GLIS3: variants seen among roughly 807,000 people sequenced by gnomAD.
The protein encoded by GLIS3 is GLIS family zinc finger 3, also known as zinc finger protein GLIS3.
GLIS3 carries 53 observed loss-of-function variants against 78.6 expected under a neutral mutation model. The observed-to-expected ratio is 0.67, with a 90% CI of 0.54 to 0.85. GLIS3 has a LOEUF of 0.85. Among genes scored for constraint, GLIS3 ranks in the 40% least tolerant of loss-of-function variants. The pLI is 0.00. For missense variants in GLIS3, 1,703 were observed against 1,231.1 expected (o/e 1.38, Z -5.74); for synonymous variants, 684 against 509.9 (o/e 1.34, Z -4.60).
Position 3,827,121 on chromosome 9 carries a change from T to C in GLIS3, c.*1151A>G, listed in dbSNP as rs1817765899. The C allele has an allele frequency of 6.6e-6, 1 of 152,186 alleles. No homozygotes were observed. The highest frequency in any genetic ancestry group is 6.5e-5 in the Admixed American group (1 of 15,276). The allele number at this position is 152,186 out of a possible 1,614,324, so 9.4% of individuals were successfully genotyped here. On this transcript the variant is annotated 3_prime_UTR_variant, in exon 11 of 11. Coordinates refer to ENST00000381971, the MANE Select transcript of GLIS3 (RefSeq NM_001042413.2). Reference sequence around the variant, plus strand: ...CAGACAATGGCGGCTGGTGGGGATATATGAACCACAGTCAGGAAGAGGGTA... The same window carrying C: ...CAGACAATGGCGGCTGGTGGGGATACATGAACCACAGTCAGGAAGAGGGTA...
chr9:4,090,184 T>G (rs567176059), intron 4 of GLIS3, among the ~76,000 whole-genome samples: 1 of 152,228 alleles, frequency 6.6e-6, no homozygotes, highest in Admixed American at 6.5e-5. Flanking sequence ...GCATTGCCCC[T>G]TCCCTTCTAC....
chr9:4,171,089 GTA>G (rs1291845253), intron 2 of GLIS3, among the ~76,000 whole-genome samples: 1 of 152,128 alleles, frequency 6.6e-6, no homozygotes, highest in Admixed American at 6.6e-5. Context: ...ACTTTGATGA[GTA>G]TCACCTGTAA....
At chr9:4,040,222 T>C (rs117901724) in intron 4 of GLIS3, among the ~76,000 whole-genome samples, 246 of 151,768 alleles carry the variant, frequency 1.6e-3, no homozygotes, top group Non-Finnish European at 2.6e-3. Flanking sequence ...CTTCAAAGGG[T>C]TTTGCAAACT....
intron 2 of GLIS3, among the ~76,000 whole-genome samples, chr9:4,333,931 A>T (rs1817719137): frequency 6.6e-6 from 1 of 152,164 alleles, no homozygotes; most frequent in Admixed American, 6.5e-5. Flanking sequence ...CTTAAATCCT[A>T]CCTGGAATGG....
chr9:4,430,948 A>C, the GLIS3 span, among the ~76,000 whole-genome samples: 1,266 of 149,222 alleles, frequency 8.5e-3, 9 homozygotes, highest in South Asian at 0.044. Flanking sequence ...TGAGAAGTGA[A>C]TATCTGCTCC....
At chr9:4,031,333 A>C (rs1268009173) in intron 4 of GLIS3, among the ~76,000 whole-genome samples, 2 of 152,264 alleles carry the variant, frequency 1.3e-5, no homozygotes, top group Admixed American at 6.5e-5. Context: ...ACTGATACAT[A>C]CTGCAATGTG....
intron 6 of GLIS3, among the ~76,000 whole-genome samples, chr9:3,925,954 C>T (rs594084): frequency 0.61 from 92,925 of 151,902 alleles, 28,612 homozygotes; most frequent in Admixed American, 0.7. Flanking sequence ...CTACTGAGGC[C>T]ATTAAGTGAG....
upstream of GLIS3, among the ~76,000 whole-genome samples, chr9:4,302,219 G>C (rs1001597415): frequency 4.6e-5 from 7 of 152,114 alleles, no homozygotes; most frequent in African/African-American, 1.7e-4. Context: ...CCTTACCCAT[G>C]AGCTCTCCAT....
At chr9:4,059,829 T>TGTGTGAGAGAGAGAGAGAGA in intron 4 of GLIS3, among the ~76,000 whole-genome samples, 3 of 100,648 alleles carry the variant, frequency 3.0e-5, no homozygotes, top group African/African-American at 1.0e-4. Flanking sequence ...TGTGTGTGTG[T>TGTGTGAGAGAGAGAGAGAGA]GAGAGAGAGA....
At chr9:4,476,383 CAG>C in the GLIS3 span, among the ~76,000 whole-genome samples, 1 of 151,918 alleles carries the variant, frequency 6.6e-6, no homozygotes. Context: ...TGTTTTGAGA[CAG>C]AGTTTCCCTC....
intron 2 of GLIS3, among the ~76,000 whole-genome samples, chr9:4,255,832 G>C (rs1341700140): frequency 2.0e-5 from 3 of 151,942 alleles, no homozygotes; most frequent in African/African-American, 4.8e-5. Flanking sequence ...TGTACAATAA[G>C]AGTGAACCCT....
Position 4,117,887 on chromosome 9 carries a change from C to G in GLIS3, c.1591G>C (p.Gly531Arg). Residue 531 changes from glycine to arginine, a missense_variant, in exon 4 of 11, where the codon GGG (glycine) becomes CGG (arginine). By Grantham distance (125) the Gly-to-Arg change is moderately radical. Coordinates refer to ENST00000381971, the MANE Select transcript of GLIS3 (RefSeq NM_001042413.2). The stretch of plus-strand genomic sequence containing the variant: ...GCCCAGAAGCAAGTGAAGTCCTCCC[C>G]TTTGCGCTGGTCGATGTGGACCTTC... Reference protein sequence around the residue: ...IEKVHIDQRKGEDFTCFWAGC... With the variant: ...IEKVHIDQRKREDFTCFWAGC... 3 of 1,614,186 alleles carry G rather than the reference C, an allele frequency of 1.9e-6. No homozygotes were observed. The highest frequency in any genetic ancestry group is 1.7e-6 in the Non-Finnish European group (2 of 1,180,030).
At chr9:4,418,318 A>G in the GLIS3 span, among the ~76,000 whole-genome samples, 2 of 152,204 alleles carry the variant, frequency 1.3e-5, no homozygotes, top group African/African-American at 4.8e-5. Flanking sequence ...CTCAGGAGGG[A>G]AAGATAGACA....
chr9:4,383,426 G>A, the GLIS3 span, among the ~76,000 whole-genome samples: 1 of 152,148 alleles, frequency 6.6e-6, no homozygotes, highest in Non-Finnish European at 1.5e-5. Flanking sequence ...GCAAACTAAT[G>A]TGGGTCTACC....
intron 2 of GLIS3, among the ~76,000 whole-genome samples, chr9:4,243,420 A>G (rs1446851480): frequency 6.6e-6 from 1 of 152,122 alleles, no homozygotes; most frequent in African/African-American, 2.4e-5. Flanking sequence ...ACACATACGC[A>G]TAGAGTACTA....
intron 4 of GLIS3, among the ~76,000 whole-genome samples, chr9:4,018,984 A>G (rs893129165): frequency 1.3e-5 from 2 of 152,174 alleles, no homozygotes; most frequent in Non-Finnish European, 2.9e-5. Context: ...CTATTAAGGC[A>G]TGAGGTAACA....
chr9:4,346,504 A>G (rs999524367), intron 2 of GLIS3, among the ~76,000 whole-genome samples: 3 of 152,220 alleles, frequency 2.0e-5, no homozygotes, highest in African/African-American at 7.2e-5. Flanking sequence ...TATTATATCC[A>G]TTATTCATAA....
chr9:4,212,803 G>A (rs1820489965), intron 2 of GLIS3, among the ~76,000 whole-genome samples: 1 of 152,174 alleles, frequency 6.6e-6, no homozygotes, highest in Non-Finnish European at 1.5e-5. Context: ...TAGAAGAGAA[G>A]TTTCAGAAAA....
upstream of GLIS3, among the ~76,000 whole-genome samples, chr9:4,302,265 C>G (rs766577444): frequency 6.6e-6 from 1 of 152,156 alleles, no homozygotes; most frequent in Non-Finnish European, 1.5e-5. Context: ...GCCCTTCAGC[C>G]AGATAGGTGG....
Sources: allele counts gnomAD v4.1 joint callset (sites outside exome capture counted in the v4.1 genomes callset), GRCh38; gene constraint gnomAD v4.1.1; transcripts MANE v1.5; gene names NCBI Gene and HGNC (gene_info 2026-07-23, HGNC 2026-07-21).